Variants in SP3 observed in about 807,000 individuals in gnomAD.
SP3 encodes the protein Sp3 transcription factor, also known as transcription factor Sp3.
Under a neutral mutation model 70.3 loss-of-function variants are expected in SP3, and 10 were observed. That is an observed-to-expected ratio of 0.14 (90% CI 0.09 to 0.24). The LOEUF is 0.24. Among genes scored for constraint, SP3 ranks in the 10% least tolerant of loss-of-function variants. The pLI is 1.00. For synonymous variants in SP3, 402 were observed against 333.5 expected, an observed-to-expected ratio of 1.21 and a Z score of -2.24; for missense variants, 825 against 914.6, an observed-to-expected ratio of 0.90 and a Z score of 1.26.
At position 173,950,835 on chromosome 2, in the gene SP3, GA is replaced by G. The variant is rs543018179; in HGVS notation, c.1639+4037del. 2.1e-3 allele frequency among the ~76,000 whole-genome samples: 324 copies of G among 152,230 alleles called. 3 individuals are homozygous for G. The highest frequency in any genetic ancestry group is 7.5e-3 in the African/African-American group (312 of 41,542). ...CAATTAGAAAGATAGTATACCAAGAGAAAGTTTATATCCTCAAAATGAATTT... is the reference window on the plus strand; with the variant it reads ...CAATTAGAAAGATAGTATACCAAGAGAAGTTTATATCCTCAAAATGAATTT... On this transcript the variant is annotated intron_variant, in intron 4 of 6. Coordinates refer to ENST00000310015, the MANE Select transcript of SP3 (RefSeq NM_003111.5).
At chr2:173,942,342 G>T (rs969366372) in intron 4 of SP3, among the ~76,000 whole-genome samples, 1 of 152,160 alleles carries the variant, frequency 6.6e-6, no homozygotes, top group African/African-American at 2.4e-5. Flanking sequence ...GAGGCAGGTG[G>T]ATCACTTGAG....
chr2:173,929,978 T>C (rs1252490901), intron 4 of SP3, among the ~76,000 whole-genome samples: 1 of 152,206 alleles, frequency 6.6e-6, no homozygotes, highest in African/African-American at 2.4e-5. Context: ...ATATGCCTCT[T>C]AGATTTACTA....
intron 2 of SP3, chr2:173,964,198 A>G (rs1218904318): frequency 4.4e-6 from 2 of 456,852 alleles, no homozygotes; most frequent in Non-Finnish European, 7.7e-6. Context: ...CACGCGCACA[A>G]AAAGGCGGCA....
chr2:173,939,759 C>A (rs1188918732), intron 4 of SP3, among the ~76,000 whole-genome samples: 11 of 8,696 alleles, frequency 1.3e-3, no homozygotes, highest in South Asian at 0.01. Context: ...AGCAAGACTC[C>A]AACTCAAAAA....
At chr2:173,957,097 AAAC>A (rs1690919410) in intron 3 of SP3, among the ~76,000 whole-genome samples, 4 of 152,196 alleles carry the variant, frequency 2.6e-5, no homozygotes, top group Admixed American at 2.6e-4. Context: ...CAAATATGAT[AAAC>A]AAAAAAATCT....
At chr2:173,941,420 C>T (rs1427904420) in intron 4 of SP3, among the ~76,000 whole-genome samples, 1 of 152,168 alleles carries the variant, frequency 6.6e-6, no homozygotes, top group Non-Finnish European at 1.5e-5. Context: ...CCAGCCTGGT[C>T]AACGTGGCAA....
intron 4 of SP3, among the ~76,000 whole-genome samples, chr2:173,942,965 A>C (rs945828208): frequency 1.3e-5 from 2 of 152,186 alleles, no homozygotes; most frequent in Non-Finnish European, 2.9e-5. Flanking sequence ...GAGATGATTT[A>C]AAGCTTGTGG....
chr2:173,921,212 G>A (rs1412044608), intron 4 of SP3, among the ~76,000 whole-genome samples: 4 of 152,080 alleles, frequency 2.6e-5, no homozygotes, highest in African/African-American at 9.7e-5. Flanking sequence ...TTTACCTCTA[G>A]TTCCCACATA....
At chr2:173,926,662 G>A (rs1481740548) in intron 4 of SP3, among the ~76,000 whole-genome samples, 1 of 152,066 alleles carries the variant, frequency 6.6e-6, no homozygotes, top group Admixed American at 6.5e-5. Context: ...ACAATGCCCA[G>A]ATAATTTTAA....
chr2:173,955,886 C>A lies in SP3; in HGVS notation c.626G>T (p.Gly209Val). 6.2e-7 allele frequency: 1 copy of A among 1,614,132 alleles called. No individual in the cohort carries two copies. ...AGAGGCAAGTAAGGTTTGATTAGAG[C>A]CAGGAATGATCTGAATTTGACTGCT... ...QESSQIQIIP[G>V]SNQTLLASGT... The change falls in exon 4 of 7, where the codon GGC (glycine) becomes GTC (valine). Residue 209 changes from glycine to valine, a missense_variant. By Grantham distance (109) the Gly-to-Val change is moderately radical. Coordinates refer to ENST00000310015, the MANE Select transcript of SP3 (RefSeq NM_003111.5).
intron 4 of SP3, among the ~76,000 whole-genome samples, chr2:173,949,173 T>C (rs1690634131): frequency 1.3e-5 from 2 of 152,170 alleles, no homozygotes; most frequent in East Asian, 1.9e-4. Flanking sequence ...TTTCAAGCAA[T>C]AGGGTTGGCC....
Position 173,902,692 on chromosome 2 carries a change from A to C in SP3, c.*7249T>G, listed in dbSNP as rs1208132444. ...TACATCTCAAAAACATGAGTGGTAA[A>C]ACAAGTCCCAGAAGGTTTTGTACAG... On this transcript the variant is annotated 3_prime_UTR_variant, in exon 7 of 7. Coordinates refer to ENST00000310015, the MANE Select transcript of SP3 (RefSeq NM_003111.5). Among the ~76,000 whole-genome samples, 1 of 152,234 alleles carries C rather than the reference A, an allele frequency of 6.6e-6. No homozygotes were observed. Among genetic ancestry groups the C allele is most frequent in the Non-Finnish European group, 1.5e-5 (1 of 68,044 alleles).
At position 173,917,951 on chromosome 2, in the gene SP3, T is replaced by C. The variant is rs1243491940; in HGVS notation, c.1832+642A>G. Among the ~76,000 whole-genome samples, 6 of 152,032 alleles carry C rather than the reference T, an allele frequency of 3.9e-5. No homozygotes were observed. The East Asian group carries it at 1.2e-3, about 29-fold the overall frequency. The stretch of plus-strand genomic sequence containing the variant: ...ATCTTCAATATTCCTGTGCCAATTA[T>C]TTCAGGTGTTCTTTATAATTAACAT... On this transcript the variant is annotated intron_variant, in intron 5 of 6. Coordinates refer to ENST00000310015, the MANE Select transcript of SP3 (RefSeq NM_003111.5).
rs1472580805 is a variant in SP3 at position 173,907,549 on chromosome 2, GCATT to G, written c.*2388_*2391del. ...TTCAAGACTACTTACTTTCTTCATT[GCATT>G]CATTCTCCACGAATTCATAAAATAT... On this transcript the variant is annotated 3_prime_UTR_variant, in exon 7 of 7. Transcript: ENST00000310015. 3.3e-5 allele frequency: 5 copies of G among 151,992 alleles called. No homozygotes were observed. Among genetic ancestry groups the G allele is most frequent in the African/African-American group, 7.2e-5 (3 of 41,390 alleles). 9.4% of individuals were successfully genotyped at this position (151,992 alleles called of 1,614,324 possible).
At chr2:173,959,499 G>T (rs1357915522) in intron 3 of SP3, among the ~76,000 whole-genome samples, 4 of 152,158 alleles carry the variant, frequency 2.6e-5, no homozygotes, top group Non-Finnish European at 5.9e-5. Flanking sequence ...GCTGAGGCGG[G>T]CAGATCACTT....
At chr2:173,952,682 T>C (rs529644825) in intron 4 of SP3, among the ~76,000 whole-genome samples, 1 of 136,018 alleles carries the variant, frequency 7.4e-6, no homozygotes, top group Non-Finnish European at 1.7e-5. Flanking sequence ...ATAAATAAAA[T>C]GTGGTATATC....
chr2:173,938,459 CAAAAAAAAAAAAA>C (rs747595137), intron 4 of SP3, among the ~76,000 whole-genome samples: 1 of 46,384 alleles, frequency 2.2e-5, no homozygotes, highest in Non-Finnish European at 4.2e-5. Context: ...AACTTTGCCT[CAAAAAAAAAAAAA>C]AAAAAAAAAA....
chr2:173,953,986 G>A (rs1459995709), intron 4 of SP3, among the ~76,000 whole-genome samples: 2 of 152,182 alleles, frequency 1.3e-5, no homozygotes, highest in African/African-American at 4.8e-5. Flanking sequence ...AAATGGTGAT[G>A]GGAGTTATGT....
chr2:173,920,090 C>A (rs1689709682), intron 4 of SP3, among the ~76,000 whole-genome samples: 1 of 152,044 alleles, frequency 6.6e-6, no homozygotes, highest in Admixed American at 6.6e-5. Context: ...AGAAGCCCCC[C>A]CGCACCCCCT....
Sources: gnomAD v4.1 joint callset for allele counts (sites outside exome capture counted in the v4.1 genomes callset) on GRCh38, gnomAD v4.1.1 for gene constraint, MANE v1.5 for transcripts, NCBI Gene and HGNC (gene_info 2026-07-23, HGNC 2026-07-21) for gene names.